ZFHX3: variants seen among roughly 807,000 people sequenced by gnomAD.
ZFHX3 encodes the protein zinc finger homeobox 3, also known as zinc finger homeobox protein 3.
Under a neutral mutation model 279.1 loss-of-function variants are expected in ZFHX3, and 42 were observed. The ratio of observed to expected loss-of-function variants is 0.15; its 90% CI spans 0.12 to 0.19. The LOEUF (loss-of-function observed/expected upper bound fraction) is 0.19, where lower values mean the gene tolerates loss of function less well. Among genes scored for constraint, ZFHX3 ranks in the 10% least tolerant of loss-of-function variants. ZFHX3 has a pLI of 1.00. For synonymous variants in ZFHX3, 2,293 were observed against 1,957.8 expected, an observed-to-expected ratio of 1.17 and a Z score of -4.52; for missense variants, 4,981 against 4,754.0, an observed-to-expected ratio of 1.05 and a Z score of -1.40.
At chr16:73,439,926 A>C (rs1448089685) in intron 3 of ZFHX3, among the ~76,000 whole-genome samples, 10 of 145,152 alleles carry the variant, frequency 6.9e-5, no homozygotes, top group Non-Finnish European at 8.9e-5. Context: ...AAAAAAAAAA[A>C]AAAAAACACA....
chr16:73,813,611 T>C (rs541862981), intron 1 of ZFHX3, among the ~76,000 whole-genome samples: 3 of 152,338 alleles, frequency 2.0e-5, no homozygotes, highest in African/African-American at 7.2e-5. Flanking sequence ...AGTAGGATTT[T>C]ACCAAACACA....
intron 1 of ZFHX3, among the ~76,000 whole-genome samples, chr16:73,713,392 G>A (rs1292926145): frequency 6.6e-6 from 1 of 152,068 alleles, no homozygotes; most frequent in Admixed American, 6.6e-5. Flanking sequence ...CACACTGACT[G>A]TTTTTATTCT....
chr16:73,428,872 T>C (rs545952070), intron 3 of ZFHX3, among the ~76,000 whole-genome samples: 2 of 152,294 alleles, frequency 1.3e-5, no homozygotes, highest in Admixed American at 1.3e-4. Flanking sequence ...CTCTATTGCG[T>C]TCTTCCCGTC....
chr16:73,880,488 T>C (rs1354880361), intron 1 of ZFHX3, among the ~76,000 whole-genome samples: 2 of 152,196 alleles, frequency 1.3e-5, no homozygotes, highest in African/African-American at 2.4e-5. Flanking sequence ...ATTATCACTC[T>C]GTAAGAAAAG....
At chr16:73,423,042 A>G (rs1038294139) in intron 3 of ZFHX3, among the ~76,000 whole-genome samples, 7 of 152,090 alleles carry the variant, frequency 4.6e-5, no homozygotes, top group Admixed American at 2.0e-4. Context: ...CTTCTTTCTT[A>G]TAAGAATCCC....
intron 2 of ZFHX3, among the ~76,000 whole-genome samples, chr16:73,579,770 T>A (rs1430229167): frequency 6.7e-6 from 1 of 148,962 alleles, no homozygotes; most frequent in East Asian, 2.0e-4. Flanking sequence ...CCAAAGTGTA[T>A]AAATTTTAAT....
chr16:72,950,382 G>A (rs975581422), intron 3 of ZFHX3, 87 bp downstream of exon 3: 101 of 1,548,034 alleles, frequency 6.5e-5, no homozygotes, highest in Non-Finnish European at 8.5e-5. Flanking sequence ...GAGACTGTCC[G>A]ACTCCTCCCC....
intron 1 of ZFHX3, among the ~76,000 whole-genome samples, chr16:73,775,053 T>C (rs1168685267): frequency 1.3e-5 from 2 of 152,192 alleles, no homozygotes; most frequent in East Asian, 1.9e-4. Context: ...CCTCTTCTCA[T>C]TCCATTTTTC....
chr16:73,602,813 A>G (rs961271916), intron 2 of ZFHX3, among the ~76,000 whole-genome samples: 23 of 149,208 alleles, frequency 1.5e-4, no homozygotes, highest in African/African-American at 5.9e-4. Context: ...CGGTCGTGGT[A>G]GCGGGCACCT....
intron 3 of ZFHX3, among the ~76,000 whole-genome samples, chr16:73,447,322 C>CA (rs1229497597): frequency 1.3e-5 from 2 of 151,962 alleles, no homozygotes; most frequent in East Asian, 1.9e-4. Flanking sequence ...CCATAATCTT[C>CA]AAAAAAAGTC....
intron 2 of ZFHX3, among the ~76,000 whole-genome samples, chr16:73,555,773 A>C (rs1254615605): frequency 6.6e-6 from 1 of 151,796 alleles, no homozygotes; most frequent in Non-Finnish European, 1.5e-5. Context: ...CGGAGGTTGC[A>C]GTGATCTGAA....
chr16:73,620,316 G>A (rs963806856), intron 2 of ZFHX3, among the ~76,000 whole-genome samples: 1 of 152,208 alleles, frequency 6.6e-6, no homozygotes, highest in Admixed American at 6.5e-5. Context: ...GTGAAGCACT[G>A]ATTTCAAGTG....
At chr16:73,754,803 A>G (rs918881498) in intron 1 of ZFHX3, among the ~76,000 whole-genome samples, 22 of 152,270 alleles carry the variant, frequency 1.4e-4, no homozygotes, top group African/African-American at 5.3e-4. Flanking sequence ...TTAAAATGAC[A>G]CAATATATAT....
At chr16:73,469,219 C>T (rs565719890) in intron 2 of ZFHX3, among the ~76,000 whole-genome samples, 1 of 152,126 alleles carries the variant, frequency 6.6e-6, no homozygotes, top group Non-Finnish European at 1.5e-5. Context: ...GACAAGGGAT[C>T]TCACCTGGAG....
intron 3 of ZFHX3, among the ~76,000 whole-genome samples, chr16:73,348,890 G>A (rs1234641296): frequency 6.6e-6 from 1 of 152,214 alleles, no homozygotes; most frequent in African/African-American, 2.4e-5. Flanking sequence ...ATCAGATACC[G>A]TCTTGTGGCA....
intron 3 of ZFHX3, among the ~76,000 whole-genome samples, chr16:72,890,661 C>A (rs74028128): frequency 2.0e-5 from 3 of 152,164 alleles, no homozygotes; most frequent in South Asian, 2.1e-4. Context: ...AGTGCAACAC[C>A]GGCTTTCCTG....
At chr16:72,790,800 GCT>G (rs2035665900) in intron 9 of ZFHX3, 1 of 152,206 alleles carries the variant, frequency 6.6e-6, no homozygotes, top group African/African-American at 2.4e-5. Flanking sequence ...CAATGGGTCT[GCT>G]CTCAGTGGGG....
intron 8 of ZFHX3, among the ~76,000 whole-genome samples, chr16:73,073,751 G>A (rs1427815635): frequency 1.3e-5 from 2 of 152,154 alleles, no homozygotes; most frequent in East Asian, 1.9e-4. Context: ...CACCAGCCTC[G>A]GCCTCCCAAA....
chr16:72,988,808 T>C (rs1962951811), intron 1 of ZFHX3, among the ~76,000 whole-genome samples: 1 of 152,260 alleles, frequency 6.6e-6, no homozygotes, highest in African/African-American at 2.4e-5. Flanking sequence ...TCATCTTTAT[T>C]CTTCACTGAT....
Sources: allele counts gnomAD v4.1 joint callset (sites outside exome capture counted in the v4.1 genomes callset), GRCh38; gene constraint gnomAD v4.1.1; transcripts MANE v1.5; gene names NCBI Gene and HGNC (gene_info 2026-07-23, HGNC 2026-07-21).